The following GOLGA4 variants were observed in gnomAD, a reference collection of about 807,000 sequenced individuals.
GOLGA4 encodes golgin A4, also known as golgin subfamily A member 4.
A neutral mutation model predicts 265.9 loss-of-function variants in GOLGA4; 169 were observed. That is an observed-to-expected ratio of 0.64 (90% CI 0.56 to 0.72). The LOEUF (loss-of-function observed/expected upper bound fraction) is 0.72. Ranked by LOEUF, GOLGA4 falls within the 30% of genes least tolerant of loss-of-function variation. The pLI is 0.00. For missense variants in GOLGA4, 2,482 were observed against 2,483.4 expected, an observed-to-expected ratio of 1.00 and a Z score of 0.01; for synonymous variants, 923 against 855.8, an observed-to-expected ratio of 1.08 and a Z score of -1.37.
At chr3:37,249,670 G>A (rs1342604438) in intron 1 of GOLGA4, 1 of 152,154 alleles carries the variant, frequency 6.6e-6, no homozygotes, top group Non-Finnish European at 1.5e-5. Context: ...TTCATCTGTT[G>A]TATTGATTTT....
intron 4 of GOLGA4, chr3:37,287,522 G>A (rs1299769905): frequency 6.6e-6 from 1 of 152,226 alleles, no homozygotes; most frequent in Non-Finnish European, 1.5e-5. Flanking sequence ...CCTACTGTGT[G>A]CCAGGCATTT....
intron 10 of GOLGA4, among the ~76,000 whole-genome samples, chr3:37,303,558 C>T (rs2096898529): frequency 6.6e-6 from 1 of 152,168 alleles, no homozygotes; most frequent in Non-Finnish European, 1.5e-5. Context: ...TTTTTAGATA[C>T]ACTGAATTTG....
chr3:37,343,225 A>T (rs2097043965), intron 20 of GOLGA4, among the ~76,000 whole-genome samples: 1 of 152,136 alleles, frequency 6.6e-6, no homozygotes, highest in African/African-American at 2.4e-5. Flanking sequence ...GGGTTCAAGC[A>T]ATTCTCCTGC....
chr3:37,275,068 T>C (rs920457604), intron 2 of GOLGA4, among the ~76,000 whole-genome samples: 2 of 150,960 alleles, frequency 1.3e-5, no homozygotes, highest in Non-Finnish European at 3.0e-5. Context: ...AAAAAAAAAT[T>C]AGCTGGGCGT....
At chr3:37,291,329 G>A (rs12108129) in intron 5 of GOLGA4, among the ~76,000 whole-genome samples, 32 of 152,048 alleles carry the variant, frequency 2.1e-4, no homozygotes, top group African/African-American at 7.7e-4. Flanking sequence ...GTCTGAGGGA[G>A]TTATACTCAA....
At chr3:37,268,588 G>A (rs1256841001) in intron 2 of GOLGA4, among the ~76,000 whole-genome samples, 2 of 151,922 alleles carry the variant, frequency 1.3e-5, no homozygotes. Context: ...TCTTTTGAGA[G>A]AGAACTTTTT....
At chr3:37,328,613 G>C in intron 15 of GOLGA4, 76 bp downstream of exon 15, 1 of 1,317,174 alleles carries the variant, frequency 7.6e-7, no homozygotes, top group South Asian at 1.4e-5. Flanking sequence ...TTTTGCAGTG[G>C]TGGTAAGTGC....
intron 5 of GOLGA4, among the ~76,000 whole-genome samples, chr3:37,292,550 G>C (rs2096867618): frequency 6.6e-6 from 1 of 152,098 alleles, no homozygotes; most frequent in Non-Finnish European, 1.5e-5. Flanking sequence ...GCTGGGTGTG[G>C]TGGCACGCAC....
intron 2 of GOLGA4, among the ~76,000 whole-genome samples, chr3:37,274,936 G>A (rs1369533545): frequency 1.3e-5 from 2 of 151,836 alleles, no homozygotes; most frequent in African/African-American, 2.4e-5. Flanking sequence ...GTTTAGGGCC[G>A]GGTGCGGTGG....
chr3:37,327,598 T>C lies in GOLGA4; in HGVS notation c.5712T>C (p.Thr1904=). The C allele has an allele frequency of 6.2e-7, 1 of 1,613,588 alleles. No homozygotes were observed. Among genetic ancestry groups the C allele is most frequent in the South Asian group, 1.1e-5 (1 of 91,020 alleles). The part of the protein sequence containing the change: ...NKPTELLEEN[T]EEKSKSHLVQ... Reference sequence around the variant, plus strand: ...CCACAGAACTTTTGGAAGAAAACACTGAAGAAAAGTCCAAATCACATTTGG... The same window carrying C: ...CCACAGAACTTTTGGAAGAAAACACCGAAGAAAAGTCCAAATCACATTTGG... The change falls in exon 14 of 24, where the codon ACT becomes ACC. Residue 1904 remains threonine (T), a synonymous_variant. Transcript: ENST00000361924.
intron 11 of GOLGA4, among the ~76,000 whole-genome samples, chr3:37,318,035 T>C (rs2096942818): frequency 6.6e-6 from 1 of 152,096 alleles, no homozygotes; most frequent in Non-Finnish European, 1.5e-5. Flanking sequence ...AATTTGATTT[T>C]TTCTTCTGGC....
chr3:37,365,838 G>A (rs1031013653), intron 23 of GOLGA4, among the ~76,000 whole-genome samples: 2 of 139,470 alleles, frequency 1.4e-5, no homozygotes, highest in African/African-American at 5.3e-5. Context: ...TTGCTGTGTT[G>A]ACCAGGCTGG....
At chr3:37,344,203 G>A (rs973841358) in intron 20 of GOLGA4, among the ~76,000 whole-genome samples, 4 of 152,230 alleles carry the variant, frequency 2.6e-5, no homozygotes, top group Admixed American at 2.6e-4. Context: ...CTGGGTTCAA[G>A]CGATTGTCAT....
At chr3:37,266,382 T>C (rs1354055106) in intron 2 of GOLGA4, among the ~76,000 whole-genome samples, 1 of 152,132 alleles carries the variant, frequency 6.6e-6, no homozygotes, top group African/African-American at 2.4e-5. Context: ...GTATTTTTAG[T>C]GGATAAAGGG....
intron 23 of GOLGA4, among the ~76,000 whole-genome samples, chr3:37,361,825 C>G (rs904519004): frequency 6.6e-6 from 1 of 152,192 alleles, no homozygotes; most frequent in African/African-American, 2.4e-5. Flanking sequence ...TAACACAAGA[C>G]AACACATTTG....
intron 10 of GOLGA4, among the ~76,000 whole-genome samples, chr3:37,313,951 G>A (rs924857048): frequency 5.3e-5 from 8 of 150,398 alleles, no homozygotes; most frequent in African/African-American, 1.2e-4. Flanking sequence ...ACAAATACAC[G>A]TAAACACACA....
chr3:37,308,394 CTG>C (rs2096913279), intron 10 of GOLGA4, among the ~76,000 whole-genome samples: 1 of 151,768 alleles, frequency 6.6e-6, no homozygotes, highest in Non-Finnish European at 1.5e-5. Context: ...TATTAAATCT[CTG>C]TGAAGGCCCT....
At chr3:37,270,449 C>A (rs1169081818) in intron 2 of GOLGA4, among the ~76,000 whole-genome samples, 3 of 152,098 alleles carry the variant, frequency 2.0e-5, no homozygotes, top group African/African-American at 2.4e-5. Flanking sequence ...AACTCCTTAC[C>A]TCAGGTGATC....
Position 37,282,118 on chromosome 3 carries a change from A to T in GOLGA4, c.323A>T (p.Asp108Val), listed in dbSNP as rs1202529805. 6.2e-6 allele frequency: 10 copies of T among 1,614,152 alleles called. No homozygotes were observed. Among genetic ancestry groups the T allele is most frequent in the Non-Finnish European group, 8.5e-6 (10 of 1,180,004 alleles). ...SRESLNRLDL[D>V]SSTASFDPPS... is the part of the protein sequence containing the mutation. ...GAATCCCTGAATCGACTTGACCTGG[A>T]CAGTTCTACTGCCAGTTTTGATCCA... is the stretch of plus-strand genomic sequence containing the variant. The change falls in exon 3 of 24, where the codon GAC (aspartate) becomes GTC (valine). Residue 108 changes from aspartate to valine, a missense_variant. This residue lies in a region of GOLGA4 where 1,536 missense variants were observed against 1,483.7 expected (regional missense o/e 1.04). Coordinates refer to ENST00000361924, the MANE Select transcript of GOLGA4 (RefSeq NM_002078.5).
Sources: allele counts gnomAD v4.1 joint callset (sites outside exome capture counted in the v4.1 genomes callset), GRCh38; gene constraint gnomAD v4.1.1; regional missense constraint gnomAD v4.1.1; transcripts MANE v1.5; gene names NCBI Gene and HGNC (gene_info 2026-07-23, HGNC 2026-07-21).